Variants in FOXN3 observed in about 807,000 individuals in gnomAD.
FOXN3 encodes forkhead box N3, also known as forkhead box protein N3.
Under a neutral mutation model 38.4 loss-of-function variants are expected in FOXN3, and 7 were observed. The ratio of observed to expected loss-of-function variants is 0.18; its 90% CI spans 0.10 to 0.34. The LOEUF (loss-of-function observed/expected upper bound fraction) is 0.34, where lower values mean the gene tolerates loss of function less well. Among genes scored for constraint, FOXN3 ranks in the 10% least tolerant of loss-of-function variants. FOXN3 has a pLI of 1.00. For synonymous variants in FOXN3, 230 were observed against 242.2 expected, an observed-to-expected ratio of 0.95 and a Z score of 0.47; for missense variants, 456 against 613.4, an observed-to-expected ratio of 0.74 and a Z score of 2.71.
intron 4 of FOXN3, among the ~76,000 whole-genome samples, chr14:89,227,999 C>A (rs899218634): frequency 6.6e-6 from 1 of 152,208 alleles, no homozygotes; most frequent in South Asian, 2.1e-4. Context: ...CTCAGCCCCC[C>A]AAAGTGCTAG....
At chr14:89,261,443 C>T (rs921019853) in intron 4 of FOXN3, among the ~76,000 whole-genome samples, 1 of 152,168 alleles carries the variant, frequency 6.6e-6, no homozygotes, top group African/African-American at 2.4e-5. Flanking sequence ...CTTTTATTAC[C>T]ATATATACTG....
intron 2 of FOXN3, among the ~76,000 whole-genome samples, chr14:89,368,637 C>T (rs1791789477): frequency 6.6e-6 from 1 of 152,106 alleles, no homozygotes; most frequent in Non-Finnish European, 1.5e-5. Flanking sequence ...CAGAGTGAGA[C>T]CCTGTTTCAA....
intron 1 of FOXN3, among the ~76,000 whole-genome samples, chr14:89,524,251 G>A (rs1894381212): frequency 1.4e-5 from 2 of 147,208 alleles, no homozygotes; most frequent in African/African-American, 4.9e-5. Flanking sequence ...GTGGGCGCCT[G>A]TAGTCCCAGC....
At chr14:89,405,430 C>T (rs536512067) in intron 2 of FOXN3, among the ~76,000 whole-genome samples, 18 of 152,124 alleles carry the variant, frequency 1.2e-4, no homozygotes, top group Non-Finnish European at 2.6e-4. Context: ...GCCACCACAC[C>T]TGGGTGCGAC....
intron 2 of FOXN3, among the ~76,000 whole-genome samples, chr14:89,375,095 G>A (rs1890437020): frequency 6.6e-6 from 1 of 152,162 alleles, no homozygotes; most frequent in South Asian, 2.1e-4. Context: ...TGAGGGTTTT[G>A]GTGGAGGGGT....
intron 2 of FOXN3, among the ~76,000 whole-genome samples, chr14:89,391,577 G>T (rs955140285): frequency 5.3e-5 from 8 of 152,156 alleles, no homozygotes; most frequent in African/African-American, 1.7e-4. Context: ...AAGAAATGTT[G>T]GGCAGGTATT....
intron 3 of FOXN3, among the ~76,000 whole-genome samples, chr14:89,311,740 C>A (rs962289449): frequency 4.6e-5 from 7 of 151,992 alleles, no homozygotes; most frequent in African/African-American, 1.7e-4. Context: ...ACAGGAGAAT[C>A]GCTTGAACCT....
Position 89,573,980 on chromosome 14 carries a change from G to A in FOXN3, c.-15+45048C>T, listed in dbSNP as rs534149441. On this transcript the variant is annotated intron_variant, in intron 1 of 6. Transcript: ENST00000345097. The stretch of plus-strand genomic sequence containing the variant: ...TGGGAGGTCGAGGCTGCAGTGAGCC[G>A]TGATGGTGCCATTGCATTCCAGCCT... Among the ~76,000 whole-genome samples the A allele has an allele frequency of 4.2e-4, 64 of 152,272 alleles. No homozygotes were observed. In the South Asian group the frequency reaches 9.3e-3, roughly 22 times the overall value.
At chr14:89,460,189 C>T (rs770251656) in intron 1 of FOXN3, among the ~76,000 whole-genome samples, 5 of 152,142 alleles carry the variant, frequency 3.3e-5, no homozygotes, top group Admixed American at 6.5e-5. Context: ...CTGAGCGTTC[C>T]GGGGAAGGCT....
intron 4 of FOXN3, among the ~76,000 whole-genome samples, chr14:89,280,517 G>A (rs910405327): frequency 6.6e-6 from 1 of 152,130 alleles, no homozygotes; most frequent in Admixed American, 6.6e-5. Flanking sequence ...AGTAAGAAAT[G>A]CATGCACCTC....
At chr14:89,181,846 G>C (rs1257685619) in intron 4 of FOXN3, among the ~76,000 whole-genome samples, 8 of 152,222 alleles carry the variant, frequency 5.3e-5, no homozygotes, top group Non-Finnish European at 1.0e-4. Context: ...CTGAGGGGCA[G>C]GGGAGCATCA....
intron 1 of FOXN3, among the ~76,000 whole-genome samples, chr14:89,448,115 C>A (rs573925889): frequency 7.2e-5 from 11 of 152,132 alleles, no homozygotes; most frequent in African/African-American, 2.6e-4. Context: ...CCTGCCGATG[C>A]CTTTCTTCTT....
intron 1 of FOXN3, among the ~76,000 whole-genome samples, chr14:89,502,966 G>C (rs148852048): frequency 8.6e-4 from 131 of 152,304 alleles, no homozygotes; most frequent in African/African-American, 3.0e-3. Context: ...CCTCTTTTAT[G>C]AGTTCTGAAG....
chr14:89,371,913 C>T (rs1345427217), intron 2 of FOXN3, among the ~76,000 whole-genome samples: 1 of 152,106 alleles, frequency 6.6e-6, no homozygotes, highest in African/African-American at 2.4e-5. Flanking sequence ...CCGTTCAGGT[C>T]CCGGGGGGAT....
At chr14:89,549,962 T>C (rs368690266) in intron 1 of FOXN3, among the ~76,000 whole-genome samples, 13 of 152,314 alleles carry the variant, frequency 8.5e-5, no homozygotes, top group African/African-American at 3.1e-4. Flanking sequence ...CGGCTAATGC[T>C]CCTTCAGTGC....
intron 3 of FOXN3, among the ~76,000 whole-genome samples, chr14:89,300,180 CT>C (rs35774627): frequency 0.061 from 7,088 of 115,670 alleles, 435 homozygotes; most frequent in African/African-American, 0.22. Flanking sequence ...AAGAAATGTA[CT>C]TTTTTTTTTT....
At chr14:89,243,480 T>G (rs975655024) in intron 4 of FOXN3, among the ~76,000 whole-genome samples, 1 of 152,220 alleles carries the variant, frequency 6.6e-6, no homozygotes, top group African/African-American at 2.4e-5. Flanking sequence ...GATAGCAACA[T>G]TTTTTAACCT....
At chr14:89,397,132 C>T (rs1157761247) in intron 2 of FOXN3, among the ~76,000 whole-genome samples, 3 of 152,036 alleles carry the variant, frequency 2.0e-5, no homozygotes, top group Non-Finnish European at 4.4e-5. Context: ...ACGTCTTTTA[C>T]GGGAACATGG....
chr14:89,282,824 T>C (rs1886503272), intron 3 of FOXN3, among the ~76,000 whole-genome samples: 1 of 152,206 alleles, frequency 6.6e-6, no homozygotes, highest in South Asian at 2.1e-4. Flanking sequence ...GATGGAGCAC[T>C]ATGGGGAATG....
Sources: gnomAD v4.1 joint callset for allele counts (sites outside exome capture counted in the v4.1 genomes callset) on GRCh38, gnomAD v4.1.1 for gene constraint, MANE v1.5 for transcripts, NCBI Gene and HGNC (gene_info 2026-07-23, HGNC 2026-07-21) for gene names.